Variants in TCERG1L observed in about 807,000 individuals in gnomAD.
The protein encoded by TCERG1L is transcription elongation regulator 1-like protein.
Under a neutral mutation model 56.3 loss-of-function variants are expected in TCERG1L, and 37 were observed. That is an observed-to-expected ratio of 0.66 (90% CI 0.51 to 0.87). TCERG1L has a LOEUF of 0.87. Ranked by LOEUF, TCERG1L falls within the 40% of genes least tolerant of loss-of-function variation. The pLI is 0.00. For synonymous variants in TCERG1L, 324 were observed against 326.3 expected (o/e 0.99, Z 0.08); for missense variants, 799 against 774.2 (o/e 1.03, Z -0.38).
chr10:131,210,382 C>T (rs1845603880), intron 4 of TCERG1L, among the ~76,000 whole-genome samples: 2 of 152,218 alleles, frequency 1.3e-5, no homozygotes, highest in South Asian at 2.1e-4. Context: ...TAAGAACCTG[C>T]CCACTTGCCT....
At chr10:131,117,680 C>G (rs74160847) in intron 8 of TCERG1L, among the ~76,000 whole-genome samples, 4,975 of 152,228 alleles carry the variant, frequency 0.033, 257 homozygotes, top group African/African-American at 0.11. Flanking sequence ...CTGGGCAGCT[C>G]ACCAGCACTC....
chr10:131,288,159 T>C (rs547183928), intron 3 of TCERG1L, among the ~76,000 whole-genome samples: 2 of 152,332 alleles, frequency 1.3e-5, no homozygotes, highest in South Asian at 2.1e-4. Context: ...CTCTGAAGGC[T>C]TGTCTGTGAT....
At chr10:131,138,002 C>T (rs1216780071) in intron 7 of TCERG1L, among the ~76,000 whole-genome samples, 1 of 152,144 alleles carries the variant, frequency 6.6e-6, no homozygotes, top group African/African-American at 2.4e-5. Flanking sequence ...AGTGCGATGG[C>T]TTATGTCTGT....
intron 4 of TCERG1L, among the ~76,000 whole-genome samples, chr10:131,217,708 CTTTTTTTTTTTTTTTTTTTT>C (rs534101797): frequency 3.8e-5 from 3 of 79,106 alleles, no homozygotes; most frequent in Admixed American, 1.8e-4. Context: ...AGTAGCTGCC[CTTTTTTTTTTTTTTTTTTTT>C]TTTTTTTTTT....
intron 9 of TCERG1L, among the ~76,000 whole-genome samples, chr10:131,114,850 T>A (rs1185868380): frequency 8.5e-5 from 13 of 152,246 alleles, no homozygotes; most frequent in Admixed American, 8.5e-4. Flanking sequence ...ATGTTCACGA[T>A]GCCATCATGT....
At chr10:131,268,357 C>A (rs752185175) in intron 3 of TCERG1L, among the ~76,000 whole-genome samples, 1 of 152,198 alleles carries the variant, frequency 6.6e-6, no homozygotes, top group Non-Finnish European at 1.5e-5. Flanking sequence ...TGTGCTGTCA[C>A]CCAGGCTTTG....
rs780542087 is a variant in TCERG1L at position 131,130,917 on chromosome 10, G to T, written c.1259+3462C>A. Reference sequence around the variant, plus strand: ...TGCAGGGACGGGCATCAACCCCCCGGCAAACCCTAATGACACCATAAATAT... The same window carrying T: ...TGCAGGGACGGGCATCAACCCCCCGTCAAACCCTAATGACACCATAAATAT... On this transcript the variant is annotated intron_variant, in intron 8 of 11. Transcript: ENST00000368642. Among the ~76,000 whole-genome samples the T allele has an allele frequency of 5.9e-4, 89 of 151,994 alleles. 1 individual carries two copies. Among genetic ancestry groups the T allele is most frequent in the Admixed American group, 9.2e-4 (14 of 15,266 alleles).
intron 4 of TCERG1L, among the ~76,000 whole-genome samples, chr10:131,240,542 AGTG>A (rs1197161073): frequency 1.7e-3 from 79 of 46,924 alleles, no homozygotes; most frequent in African/African-American, 6.3e-3. Flanking sequence ...CTAATGAATG[AGTG>A]AGTGAGTGAG....
At chr10:131,215,745 G>A (rs74160871) in intron 4 of TCERG1L, among the ~76,000 whole-genome samples, 1,624 of 152,328 alleles carry the variant, frequency 0.011, 23 homozygotes, top group African/African-American at 0.034. Flanking sequence ...AGGGAAGAAA[G>A]TTGTTGCGGC....
At chr10:131,224,861 T>A (rs140807642) in intron 4 of TCERG1L, among the ~76,000 whole-genome samples, 135 of 152,218 alleles carry the variant, frequency 8.9e-4, no homozygotes, top group African/African-American at 3.2e-3. Flanking sequence ...ACACACTTTA[T>A]ACTCTAATTA....
intron 4 of TCERG1L, among the ~76,000 whole-genome samples, chr10:131,198,245 A>T (rs552017418): frequency 7.7e-4 from 118 of 152,350 alleles, no homozygotes; most frequent in Non-Finnish European, 1.1e-3. Flanking sequence ...GTCTATTCTG[A>T]TAGAAAAGAA....
chr10:131,283,762 AAG>A (rs1414078023), intron 3 of TCERG1L, among the ~76,000 whole-genome samples: 2 of 152,202 alleles, frequency 1.3e-5, no homozygotes, highest in South Asian at 2.1e-4. Context: ...GACATAAATG[AAG>A]AGAGACTTAG....
At chr10:131,136,064 G>A (rs567666640) in intron 7 of TCERG1L, among the ~76,000 whole-genome samples, 22 of 152,280 alleles carry the variant, frequency 1.4e-4, no homozygotes, top group Non-Finnish European at 2.6e-4. Flanking sequence ...CCATGCTAAC[G>A]AAAATGCCTC....
intron 8 of TCERG1L, among the ~76,000 whole-genome samples, 158 bp from the exon 9 acceptor site, chr10:131,117,092 C>A (rs1430837889): frequency 1.3e-5 from 2 of 152,160 alleles, no homozygotes; most frequent in African/African-American, 4.8e-5. Context: ...GCAAAGATGG[C>A]ACATTTGCTC....
At chr10:131,149,109 G>T (rs1845835769) in intron 6 of TCERG1L, among the ~76,000 whole-genome samples, 1 of 152,264 alleles carries the variant, frequency 6.6e-6, no homozygotes, top group Admixed American at 6.5e-5. Context: ...GTGGCCTCAT[G>T]CCCTCAACCC....
chr10:131,107,313 T>C (rs1279152172), intron 9 of TCERG1L, among the ~76,000 whole-genome samples: 2 of 152,180 alleles, frequency 1.3e-5, no homozygotes, highest in African/African-American at 2.4e-5. Context: ...TGGAAAATGT[T>C]GGAGTTCTAG....
chr10:131,235,059 T>A (rs994787201), intron 4 of TCERG1L, among the ~76,000 whole-genome samples: 1 of 152,062 alleles, frequency 6.6e-6, no homozygotes. Context: ...CTCTGGACAG[T>A]GGGAGAGTTC....
At chr10:131,125,360 G>C (rs1484266047) in intron 8 of TCERG1L, among the ~76,000 whole-genome samples, 1 of 152,178 alleles carries the variant, frequency 6.6e-6, no homozygotes, top group African/African-American at 2.4e-5. Context: ...CAGATGGGAA[G>C]AAACTGTTCT....
At chr10:131,247,484 G>A (rs1370092730) in intron 4 of TCERG1L, among the ~76,000 whole-genome samples, 1 of 152,080 alleles carries the variant, frequency 6.6e-6, no homozygotes, top group East Asian at 1.9e-4. Context: ...AGAACCAAAT[G>A]ATTCTTGAAC....
Sources: allele counts gnomAD v4.1 joint callset (sites outside exome capture counted in the v4.1 genomes callset), GRCh38; gene constraint gnomAD v4.1.1; transcripts MANE v1.5; gene names NCBI Gene and HGNC (gene_info 2026-07-23, HGNC 2026-07-21).